Variants in MGAM2 observed in about 807,000 individuals in gnomAD.
The protein encoded by MGAM2 is maltase-glucoamylase 2 (putative).
Under a neutral mutation model 96.1 loss-of-function variants are expected in MGAM2, and 98 were observed. The observed-to-expected ratio is 1.02, with a 90% confidence interval of 0.87 to 1.21. The LOEUF (loss-of-function observed/expected upper bound fraction) is 1.21, where lower values mean the gene tolerates loss of function less well. Ranked by LOEUF, MGAM2 falls within the 50% of genes most tolerant of loss-of-function variation. The pLI is 0.00. For synonymous variants in MGAM2, 749 were observed against 414.8 expected, an observed-to-expected ratio of 1.81 and a Z score of -9.79; for missense variants, 2,055 against 1,182.4, an observed-to-expected ratio of 1.74 and a Z score of -10.82.
chr7:142,160,394 T>C, intron 21 of MGAM2, 136 bp downstream of exon 21: 1 of 558,164 alleles, frequency 1.8e-6, no homozygotes, highest in Non-Finnish European at 3.2e-6. Context: ...CCCACTCCTT[T>C]CAAAATTGAT....
chr7:142,186,788 A>G (rs544399024), intron 35 of MGAM2, among the ~76,000 whole-genome samples: 1 of 152,328 alleles, frequency 6.6e-6, no homozygotes, highest in East Asian at 1.9e-4. Context: ...CACTCCAGAG[A>G]CAAAAGTCCA....
chr7:142,149,603 C>T (rs540953289), intron 15 of MGAM2, among the ~76,000 whole-genome samples: 4 of 151,814 alleles, frequency 2.6e-5, no homozygotes, highest in East Asian at 2.0e-4. Flanking sequence ...TGCAGTGGTG[C>T]GATCTCGGCT....
At chr7:142,162,098 G>C (rs779696378) in intron 23 of MGAM2, 94 bp downstream of exon 23, 59 of 537,154 alleles carry the variant, frequency 1.1e-4, no homozygotes, top group Admixed American at 3.0e-4. Context: ...GTTATGTGCA[G>C]CAGAGACAGG....
chr7:142,140,514 C>T (rs913078896), intron 10 of MGAM2, among the ~76,000 whole-genome samples: 4 of 152,080 alleles, frequency 2.6e-5, no homozygotes, highest in Non-Finnish European at 5.9e-5. Flanking sequence ...TGTCAAGCAT[C>T]CAAGCTCTCA....
intron 34 of MGAM2, 93 bp downstream of exon 34, chr7:142,185,232 T>G (rs1796658652): frequency 1.6e-6 from 1 of 644,466 alleles, no homozygotes; most frequent in African/African-American, 1.8e-5. Flanking sequence ...ACCCTTCAGT[T>G]AAGTAGCCCT....
intron 45 of MGAM2, among the ~76,000 whole-genome samples, chr7:142,204,533 A>G (rs1269623957): frequency 3.3e-5 from 5 of 152,002 alleles, no homozygotes; most frequent in Admixed American, 2.0e-4. Context: ...GTAACTTTCT[A>G]GTTGTATATC....
Position 142,138,542 on chromosome 7 carries a change from C to T in MGAM2, c.961C>T (p.Leu321Phe), listed in dbSNP as rs1025154233. 1.8e-5 allele frequency: 13 copies of T among 702,726 alleles called. No homozygotes were observed. In the Admixed American group the frequency reaches 2.0e-4, roughly 11 times the overall value. 43.5% of individuals were successfully genotyped at this position (702,726 alleles called of 1,614,324 possible). ...CCTACACACTTACTTATCTTTTCAG[C>T]TTGTTGGACGGCCATTCTTCCCTCC... Reference protein sequence around the residue: ...PEQVVQEYLELVGRPFFPPYW... With the variant: ...PEQVVQEYLEFVGRPFFPPYW... The change falls in exon 10 of 48, where the codon CTT (leucine) becomes TTT (phenylalanine). Residue 321 changes from leucine (L) to phenylalanine (F), a missense_variant and splice_region_variant. Transcript: ENST00000477922.
intron 2 of MGAM2, among the ~76,000 whole-genome samples, chr7:142,117,392 A>G (rs1007708755): frequency 6.6e-6 from 1 of 152,200 alleles, no homozygotes; most frequent in African/African-American, 2.4e-5. Context: ...TTATACCAAC[A>G]TACATAGCTA....
chr7:142,120,055 T>G (rs1794516964), intron 2 of MGAM2, among the ~76,000 whole-genome samples: 1 of 152,242 alleles, frequency 6.6e-6, no homozygotes, highest in Admixed American at 6.5e-5. Flanking sequence ...GGTATATAAA[T>G]TGTATCTGTT....
chr7:142,132,441 AT>A (rs1234175730), intron 6 of MGAM2, among the ~76,000 whole-genome samples: 1 of 139,692 alleles, frequency 7.2e-6, no homozygotes, highest in Non-Finnish European at 1.5e-5. Flanking sequence ...AATATAATTA[AT>A]AATATTATAA....
rs551453727 is a variant in MGAM2, at chr7:142,176,100, A to G, written c.3816+320A>G. On this transcript the variant is annotated intron_variant, in intron 32 of 47. Transcript: ENST00000477922. ...GGCTGAAGCACTGAAGATAGCAAAA[A>G]AAAAAAAAGGGGGGGGCATCTCACT... Among the ~76,000 whole-genome samples the G allele has an allele frequency of 1.1e-3, 160 of 148,840 alleles. 1 individual carries two copies. The highest frequency in any genetic ancestry group is 3.6e-3 in the Admixed American group (54 of 15,088).
At chr7:142,219,649 A>C (rs1324715952) in intron 47 of MGAM2, among the ~76,000 whole-genome samples, 1 of 152,180 alleles carries the variant, frequency 6.6e-6, no homozygotes, top group East Asian at 1.9e-4. Context: ...AAATGAAGTG[A>C]AAAGAAAAGA....
At chr7:142,191,140 A>G (rs1308321876) in intron 37 of MGAM2, among the ~76,000 whole-genome samples, 2 of 152,152 alleles carry the variant, frequency 1.3e-5, no homozygotes, top group Non-Finnish European at 2.9e-5. Flanking sequence ...TACAGAAAAA[A>G]AAAAATTATT....
intron 6 of MGAM2, 39 bp from the exon 7 acceptor site, chr7:142,133,941 GT>G (rs1794980383): frequency 3.0e-6 from 2 of 666,930 alleles, no homozygotes; most frequent in East Asian, 5.6e-5. Flanking sequence ...AGGAAAGAGT[GT>G]TTTTCGGTGA....
In MGAM2 at chr7:142,185,986, C is replaced by T. The variant is rs1420226325; in HGVS notation, c.3988-3C>T. ...ACAATGAGAGTGTGTGTTATTCTTA[C>T]AGCTTTACAGGGCCTACGTTGCCTT... On this transcript the variant is annotated splice_polypyrimidine_tract_variant and splice_region_variant and intron_variant, in intron 34 of 47. Coordinates refer to ENST00000477922, the MANE Select transcript of MGAM2 (RefSeq NM_001293626.2). 4.3e-6 allele frequency: 3 copies of T among 703,028 alleles called. No homozygotes were observed. Among genetic ancestry groups the T allele is most frequent in the African/African-American group, 1.7e-5 (1 of 57,352 alleles). 43.5% of individuals were successfully genotyped at this position (703,028 alleles called of 1,614,324 possible). A position where few individuals can be genotyped will look rare whatever the true frequency, so the allele number is the denominator to read the frequency against.
chr7:142,158,225 T>C, intron 18 of MGAM2, 23 bp from the exon 19 acceptor site: 1 of 702,928 alleles, frequency 1.4e-6, no homozygotes, highest in Non-Finnish European at 2.6e-6. Context: ...TCACCTGCCT[T>C]CACTGTGCTA....
At chr7:142,194,899 T>C (rs1206867281) in intron 37 of MGAM2, among the ~76,000 whole-genome samples, 1 of 152,242 alleles carries the variant, frequency 6.6e-6, no homozygotes, top group African/African-American at 2.4e-5. Context: ...ATTGTATACA[T>C]ACTAGGATCT....
chr7:142,189,658 C>T (rs552128110), intron 37 of MGAM2, among the ~76,000 whole-genome samples, 153 bp downstream of exon 37: 5 of 152,330 alleles, frequency 3.3e-5, no homozygotes, highest in South Asian at 4.1e-4. Context: ...CACCTCTGAG[C>T]GCATTTATCA....
intron 37 of MGAM2, among the ~76,000 whole-genome samples, chr7:142,193,398 C>A (rs181332635): frequency 5.4e-4 from 82 of 152,188 alleles, no homozygotes; most frequent in Non-Finnish European, 1.1e-3. Flanking sequence ...CTTCTTTGCT[C>A]TTTTCTGTCC....
Sources: allele counts gnomAD v4.1 joint callset (sites outside exome capture counted in the v4.1 genomes callset), GRCh38; gene constraint gnomAD v4.1.1; transcripts MANE v1.5; gene names NCBI Gene and HGNC (gene_info 2026-07-23, HGNC 2026-07-21).